The following PRAMEF11 variants were observed in gnomAD, a reference collection of about 807,000 sequenced individuals.
The protein encoded by PRAMEF11 is PRAME family member 11.
PRAMEF11 carries 17 observed loss-of-function variants against 33.6 expected under a neutral mutation model. The ratio of observed to expected loss-of-function variants is 0.51; its 90% CI spans 0.35 to 0.76. The LOEUF (loss-of-function observed/expected upper bound fraction) is 0.76. Among genes scored for constraint, PRAMEF11 ranks in the 30% least tolerant of loss-of-function variants. PRAMEF11 has a pLI of 0.01. For synonymous variants in PRAMEF11, 205 were observed against 227.3 expected (o/e 0.90, Z 0.88); for missense variants, 568 against 567.0 (o/e 1.00, Z -0.02).
rs1639900535 is a variant in PRAMEF11 at position 12,827,608 on chromosome 1, C to G, written c.516G>C (p.Trp172Cys). The G allele has an allele frequency of 6.2e-7, 1 of 1,609,350 alleles. No individual in the cohort carries two copies. The highest frequency in any genetic ancestry group is 8.5e-7 in the Non-Finnish European group (1 of 1,177,634). The change falls in exon 3 of 4, where the codon TGG becomes TGC. Residue 172 changes from tryptophan to cysteine, a missense_variant. By Grantham distance (215) the Trp-to-Cys change is radical. This residue lies in a region of PRAMEF11 where 342 missense variants were observed against 312.0 expected (regional missense o/e 1.10). Transcript: ENST00000619922. ...GTAGTAAATCTCTCCTCTGCTTGAC[C>G]CATAGAAGGAGGCAGGTGAGGTATT... Reference protein sequence around the residue: ...LDEYLTCLLLWVKQRRDLLHL... With the variant: ...LDEYLTCLLLCVKQRRDLLHL...
At chr1:12,830,572 G>C (rs1207866291) in intron 1 of PRAMEF11, among the ~76,000 whole-genome samples, 1 of 150,972 alleles carries the variant, frequency 6.6e-6, no homozygotes, top group African/African-American at 2.4e-5. Flanking sequence ...CTGGAGTACA[G>C]GAGTGGTATG....
chr1:12,824,796 T>C lies in PRAMEF11; in HGVS notation c.*146A>G. 7.6e-7 allele frequency: 1 copy of C among 1,313,114 alleles called. No homozygotes were observed. The highest frequency in any genetic ancestry group is 1.1e-6 in the Non-Finnish European group (1 of 951,290). The allele number at this position is 1,313,114 out of a possible 1,614,324, so 81.3% of individuals were successfully genotyped here. On this transcript the variant is annotated 3_prime_UTR_variant, in exon 4 of 4. Transcript: ENST00000619922. Reference sequence around the variant, plus strand: ...CATTTCCCCCAAGTCCTGCCCCTGCTTGATCAGCTTTCCTTTCCCACTTTC... The same window carrying C: ...CATTTCCCCCAAGTCCTGCCCCTGCCTGATCAGCTTTCCTTTCCCACTTTC...
In PRAMEF11 at chr1:12,825,118, T is replaced by G; in HGVS notation, c.1261A>C (p.Ser421Arg). 1 of 1,609,636 alleles carries G rather than the reference T, an allele frequency of 6.2e-7. No individual in the cohort carries two copies. The highest frequency in any genetic ancestry group is 8.5e-7 in the Non-Finnish European group (1 of 1,177,762). The change falls in exon 4 of 4, where the codon AGT becomes CGT. Residue 421 changes from serine (S) to arginine (R), a missense_variant. Ser to Arg is a moderately radical substitution (Grantham distance 110, BLOSUM62 -1). Around this residue, in one of 3 missense-constraint regions of PRAMEF11, gnomAD observed 174 missense variants for 127.2 expected, o/e 1.37. Coordinates refer to ENST00000619922, the MANE Select transcript of PRAMEF11 (RefSeq NM_001146344.3). Reference sequence around the variant, plus strand: ...CAGAGAGTACCATCAGCACCATAACTTTCCTGCGGGGCAGGATACAGCTCC... The same window carrying G: ...CAGAGAGTACCATCAGCACCATAACGTTCCTGCGGGGCAGGATACAGCTCC... ...CLELYPAPQESYGADGTLCWS... is the reference protein window; with the variant it reads ...CLELYPAPQERYGADGTLCWS...
intron 3 of PRAMEF11, among the ~76,000 whole-genome samples, chr1:12,826,746 A>G (rs1639877391): frequency 6.6e-6 from 1 of 151,168 alleles, no homozygotes; most frequent in Non-Finnish European, 1.5e-5. Flanking sequence ...TGGATGATCA[A>G]AGTGAAAATC....
rs956682317 is a variant in PRAMEF11 at position 12,826,077 on chromosome 1, C to T, written c.876-574G>A. Among the ~76,000 whole-genome samples the T allele has an allele frequency of 2.1e-4, 32 of 150,622 alleles. 1 individual carries two copies. The highest frequency in any genetic ancestry group is 7.8e-4 in the African/African-American group (32 of 41,134). Reference sequence around the variant, plus strand: ...CAGAATCCCTAAAGCTCCCTTTCCTCATCTGTCAGGCAGAAAACCACATCC... The same window carrying T: ...CAGAATCCCTAAAGCTCCCTTTCCTTATCTGTCAGGCAGAAAACCACATCC... On this transcript the variant is annotated intron_variant, in intron 3 of 3. Transcript: ENST00000619922.
rs1273759054 is a variant in PRAMEF11, at chr1:12,828,446, C to A, written c.293+51G>T. ...CTCACTTCACATGACCCAGCTGTTC[C>A]TTCAGTTGGACACCTGGGCCCTCCC... On this transcript the variant is annotated intron_variant, in intron 2 of 3. Transcript: ENST00000619922. 5.8e-6 allele frequency: 9 copies of A among 1,561,976 alleles called. 1 individual carries two copies. Among genetic ancestry groups the A allele is most frequent in the Non-Finnish European group, 6.1e-6 (7 of 1,146,140 alleles).
intron 3 of PRAMEF11, 148 bp from the exon 4 acceptor site, chr1:12,825,651 G>A: frequency 5.2e-6 from 3 of 577,036 alleles, no homozygotes; most frequent in Admixed American, 3.2e-5. Context: ...TTCGGATGAT[G>A]TGTGATGAAG....
At chr1:12,828,235 G>A (rs1639919379) in intron 2 of PRAMEF11, among the ~76,000 whole-genome samples, 2 of 146,218 alleles carry the variant, frequency 1.4e-5, no homozygotes, top group African/African-American at 5.1e-5. Flanking sequence ...CCAATGGGCT[G>A]GGATTACATT....
rs769780924 is a variant in PRAMEF11 at position 12,828,713 on chromosome 1, G to A, written c.77C>T (p.Ala26Val). Reference sequence around the variant, plus strand: ...GGGCAGCTCCTCCAGGGTGGAGACGGCCAAGGCTTGGTCCCTCAGCAGGCT... The same window carrying A: ...GGGCAGCTCCTCCAGGGTGGAGACGACCAAGGCTTGGTCCCTCAGCAGGCT... ...GRSLLRDQAL[A>V]VSTLEELPTE... is the part of the protein sequence containing the mutation. The change falls in exon 2 of 4, where the codon GCC (alanine) becomes GTC (valine). Residue 26 changes from alanine to valine, a missense_variant. Physicochemically the swap from Ala to Val is moderately conservative, Grantham distance 64 (BLOSUM62 0). Coordinates refer to ENST00000619922, the MANE Select transcript of PRAMEF11 (RefSeq NM_001146344.3). 50 of 1,610,348 alleles carry A rather than the reference G, an allele frequency of 3.1e-5. 1 individual carries two copies. Among genetic ancestry groups the A allele is most frequent in the African/African-American group, 1.3e-4 (10 of 74,852 alleles).
intron 3 of PRAMEF11, 43 bp downstream of exon 3, chr1:12,827,206 G>A: frequency 6.7e-7 from 1 of 1,497,016 alleles, no homozygotes; most frequent in Admixed American, 1.7e-5. Flanking sequence ...ACTGTAACAG[G>A]CTCTGCTGTG....
chr1:12,826,511 C>G (rs1639870423), intron 3 of PRAMEF11, among the ~76,000 whole-genome samples: 1 of 151,178 alleles, frequency 6.6e-6, no homozygotes, highest in Non-Finnish European at 1.5e-5. Flanking sequence ...CCTATAATCC[C>G]AGCACTTTGG....
Position 12,827,429 on chromosome 1 carries a change from T to C in PRAMEF11, c.695A>G (p.His232Arg), listed in dbSNP as rs765332079. The change falls in exon 3 of 4, where the codon CAC (histidine) becomes CGC (arginine). Residue 232 changes from histidine to arginine, a missense_variant. By Grantham distance (29) the His-to-Arg change is conservative. Coordinates refer to ENST00000619922, the MANE Select transcript of PRAMEF11 (RefSeq NM_001146344.3). Reference protein sequence around the residue: ...ILTQFTPYLGHLRNLQKLVLS... With the variant: ...ILTQFTPYLGRLRNLQKLVLS... ...AACGAGCTTCTGAAGATTCCTCAAGTGGCCCAGGTATGGGGTAAACTGTGT... is the reference window on the plus strand; with the variant it reads ...AACGAGCTTCTGAAGATTCCTCAAGCGGCCCAGGTATGGGGTAAACTGTGT... The C allele has an allele frequency of 1.2e-6, 2 of 1,607,672 alleles. No individual in the cohort carries two copies. The highest frequency in any genetic ancestry group is 1.3e-5 in the African/African-American group (1 of 74,648).
chr1:12,826,287 T>G (rs1180152731), intron 3 of PRAMEF11, among the ~76,000 whole-genome samples: 1 of 148,908 alleles, frequency 6.7e-6, no homozygotes, highest in Non-Finnish European at 1.5e-5. Context: ...ATCATACATT[T>G]CCTAGGTAAT....
rs1639885853 is a variant in PRAMEF11, at chr1:12,827,141, C to A, written c.875+108G>T. ...GACAATGCATGGACATTCTAGTGTC[C>A]CCTTCACTGTTACATCCTCATAGGC... On this transcript the variant is annotated intron_variant, in intron 3 of 3. Transcript: ENST00000619922. 9 of 1,572,826 alleles carry A rather than the reference C, an allele frequency of 5.7e-6. 1 individual carries two copies. Among genetic ancestry groups the A allele is most frequent in the African/African-American group, 1.3e-5 (1 of 74,298 alleles).
chr1:12,830,444 A>G (rs867946457), intron 1 of PRAMEF11, among the ~76,000 whole-genome samples: 679 of 135,510 alleles, frequency 5.0e-3, no homozygotes, highest in Middle Eastern at 0.019. Flanking sequence ...TGCACCCCCC[A>G]CAGCCATGTC....
At position 12,825,169 on chromosome 1, in the gene PRAMEF11, T is replaced by C. The variant is rs1283599323; in HGVS notation, c.1210A>G (p.Thr404Ala). The change falls in exon 4 of 4, where the codon ACA (threonine) becomes GCA (alanine). Residue 404 changes from threonine (T) to alanine (A), a missense_variant. Around this residue, in one of 3 missense-constraint regions of PRAMEF11, gnomAD observed 174 missense variants for 127.2 expected, o/e 1.37. Coordinates refer to ENST00000619922, the MANE Select transcript of PRAMEF11 (RefSeq NM_001146344.3). ...MATLENLLSHTIILKNLCLEL... is the reference protein window; with the variant it reads ...MATLENLLSHAIILKNLCLEL... ...AGGCATAAGTTTTTGAGTATGATTG[T>C]GTGGCTCAGCAGGTTCTCCAGGGTG... is the stretch of plus-strand genomic sequence containing the variant. 2 of 1,608,740 alleles carry C rather than the reference T, an allele frequency of 1.2e-6. No individual in the cohort carries two copies. Among genetic ancestry groups the C allele is most frequent in the Non-Finnish European group, 1.7e-6 (2 of 1,177,732 alleles).
Position 12,827,409 on chromosome 1 carries a change from G to C in PRAMEF11, c.715C>G (p.Leu239Val), listed in dbSNP as rs748920956. The C allele has an allele frequency of 4.4e-6, 7 of 1,606,446 alleles. 1 individual carries two copies. Among genetic ancestry groups the C allele is most frequent in the Non-Finnish European group, 5.9e-6 (7 of 1,177,944 alleles). The change falls in exon 3 of 4, where the codon CTC becomes GTC. Residue 239 changes from leucine (L) to valine (V), a missense_variant. Leu to Val is a conservative substitution (Grantham distance 32, BLOSUM62 1). Coordinates refer to ENST00000619922, the MANE Select transcript of PRAMEF11 (RefSeq NM_001146344.3). ...YLGHLRNLQKLVLSHMDVSRY... is the reference protein window; with the variant it reads ...YLGHLRNLQKVVLSHMDVSRY... ...GAGACATCCATGTGGGAGAGAACGA[G>C]CTTCTGAAGATTCCTCAAGTGGCCC...
At chr1:12,830,984 C>A (rs1639993859) in intron 1 of PRAMEF11, among the ~76,000 whole-genome samples, 1 of 107,628 alleles carries the variant, frequency 9.3e-6, no homozygotes, top group Non-Finnish European at 1.9e-5. Flanking sequence ...CACAGTGAGA[C>A]TCCATCCCCA....
Position 12,830,688 on chromosome 1 carries a change from A to T in PRAMEF11, c.-17+668T>A, listed in dbSNP as rs2982097. 7.2e-4 allele frequency among the ~76,000 whole-genome samples: 102 copies of T among 142,248 alleles called. 1 individual carries two copies. The highest frequency in any genetic ancestry group is 2.1e-3 in the African/African-American group (81 of 39,360). 93.3% of individuals were successfully genotyped at this position (142,248 alleles called of 152,430 possible). A position where few individuals can be genotyped will look rare whatever the true frequency, so the allele number is the denominator to read the frequency against. On this transcript the variant is annotated intron_variant, in intron 1 of 3. Coordinates refer to ENST00000619922, the MANE Select transcript of PRAMEF11 (RefSeq NM_001146344.3). ...TGCATGTCACCATGCTCGGCTAATTAAAAAAAAAAAAAGTAGAGGCCAAGC... is the reference window on the plus strand; with the variant it reads ...TGCATGTCACCATGCTCGGCTAATTTAAAAAAAAAAAAGTAGAGGCCAAGC...
Sources: allele counts gnomAD v4.1 joint callset (sites outside exome capture counted in the v4.1 genomes callset), GRCh38; gene constraint gnomAD v4.1.1; regional missense constraint gnomAD v4.1.1; transcripts MANE v1.5; gene names NCBI Gene and HGNC (gene_info 2026-07-23, HGNC 2026-07-21).